TRPA1: variants seen among roughly 807,000 people sequenced by gnomAD.
TRPA1 encodes the protein transient receptor potential cation channel subfamily A member 1.
TRPA1 carries 129 observed loss-of-function variants against 131.3 expected under a neutral mutation model. The observed-to-expected ratio is 0.98, with a 90% CI of 0.85 to 1.14. TRPA1 has a LOEUF of 1.14. TRPA1 is among the 50% of genes most tolerant of loss of function. TRPA1 has a pLI of 0.00. For synonymous variants in TRPA1, 441 were observed against 451.7 expected, an observed-to-expected ratio of 0.98 and a Z score of 0.30; for missense variants, 1,304 against 1,354.2, an observed-to-expected ratio of 0.96 and a Z score of 0.58.
chr8:72,061,730 G>A lies in TRPA1; in HGVS notation c.839C>T (p.Ala280Val). The A allele has an allele frequency of 6.2e-7, 1 of 1,614,026 alleles. No homozygotes were observed. The highest frequency in any genetic ancestry group is 8.5e-7 in the Non-Finnish European group (1 of 1,179,928). ...KGRCTAIHFA[A>V]TQGATEIVKL... is the part of the protein sequence containing the mutation. The stretch of plus-strand genomic sequence containing the variant: ...AACAATCTCAGTGGCTCCCTGGGTG[G>A]CAGCAAAATGAATGGCTGTGCACCT... Residue 280 changes from alanine to valine, a missense_variant, in exon 7 of 27, where the codon GCC becomes GTC. Transcript: ENST00000262209.
At chr8:72,076,651 G>A (rs1806192797), upstream of TRPA1, 2 of 152,252 alleles carry the variant, frequency 1.3e-5, no homozygotes, top group African/African-American at 4.8e-5. Context: ...CTGACCTAGG[G>A]GCTGTGGTGG....
At chr8:72,050,670 G>GA in intron 15 of TRPA1, 108 bp downstream of exon 15, 1 of 798,754 alleles carries the variant, frequency 1.3e-6, no homozygotes. Context: ...ACAGCCTATG[G>GA]AAAATGAGAA....
chr8:72,031,786 G>A (rs1413171630), intron 23 of TRPA1, among the ~76,000 whole-genome samples: 1 of 152,038 alleles, frequency 6.6e-6, no homozygotes, highest in African/African-American at 2.4e-5. Flanking sequence ...CTTATCATGT[G>A]CCAAGTACTA....
upstream of TRPA1, among the ~76,000 whole-genome samples, chr8:72,079,297 G>T (rs935482743): frequency 7.9e-5 from 12 of 151,702 alleles, no homozygotes; most frequent in African/African-American, 2.9e-4. Context: ...AGAAACTTTT[G>T]CCAATTCAAA....
At chr8:72,058,399 CATATT>C (rs1805726210) in intron 8 of TRPA1, among the ~76,000 whole-genome samples, 1 of 152,082 alleles carries the variant, frequency 6.6e-6, no homozygotes, top group African/African-American at 2.4e-5. Context: ...TTAACCATTA[CATATT>C]ATAATATTTG....
intron 25 of TRPA1, among the ~76,000 whole-genome samples, chr8:72,024,302 CAA>C (rs1218690112): frequency 6.6e-6 from 1 of 152,160 alleles, no homozygotes; most frequent in Non-Finnish European, 1.5e-5. Flanking sequence ...AACCAATCAA[CAA>C]AGTTTCACCT....
chr8:72,077,852 T>C (rs1282531952), upstream of TRPA1, among the ~76,000 whole-genome samples: 4 of 152,156 alleles, frequency 2.6e-5, no homozygotes, highest in African/African-American at 9.7e-5. Context: ...TATTGATGAA[T>C]AGCAGTAATG....
At chr8:72,072,610 A>G (rs898419268) in intron 1 of TRPA1, among the ~76,000 whole-genome samples, 91 of 152,336 alleles carry the variant, frequency 6.0e-4, no homozygotes, top group African/African-American at 2.1e-3. Flanking sequence ...ATATTCAGTA[A>G]TAAATTTAAA....
intron 8 of TRPA1, 111 bp downstream of exon 8, chr8:72,059,279 A>T: frequency 1.3e-6 from 1 of 743,008 alleles, no homozygotes; most frequent in East Asian, 2.8e-5. Flanking sequence ...CTTTTTGCTG[A>T]TAAGCAAGAA....
At chr8:72,070,914 C>G (rs1318473904) in intron 2 of TRPA1, among the ~76,000 whole-genome samples, 2 of 152,180 alleles carry the variant, frequency 1.3e-5, no homozygotes, top group Non-Finnish European at 2.9e-5. Flanking sequence ...TACCTTCGCA[C>G]TCACTTCCTT....
In TRPA1 at chr8:72,075,360, G is replaced by C; in HGVS notation, c.50C>G (p.Pro17Arg). The change falls in exon 1 of 27, where the codon CCC becomes CGC. Residue 17 changes from proline to arginine, a missense_variant. Physicochemically the swap from Pro to Arg is moderately radical, Grantham distance 103. Transcript: ENST00000262209. ...CACATCCTCATAGACAACGCCCTGGGGCTCCTTCTTTTCTCCAGGGCGCCA... is the reference window on the plus strand; with the variant it reads ...CACATCCTCATAGACAACGCCCTGGCGCTCCTTCTTTTCTCCAGGGCGCCA... ...KMWRPGEKKEPQGVVYEDVPD... is the reference protein window; with the variant it reads ...KMWRPGEKKERQGVVYEDVPD... 6.2e-7 allele frequency: 1 copy of C among 1,612,416 alleles called. No individual in the cohort carries two copies. Among genetic ancestry groups the C allele is most frequent in the Non-Finnish European group, 8.5e-7 (1 of 1,179,826 alleles).
intron 3 of TRPA1, 54 bp from the exon 4 acceptor site, chr8:72,065,612 A>T: frequency 7.5e-7 from 1 of 1,329,734 alleles, no homozygotes. Flanking sequence ...CAAATAAGGT[A>T]CTTGCCTTCC....
chr8:72,079,153 T>A (rs940301193), upstream of TRPA1, among the ~76,000 whole-genome samples: 2 of 152,008 alleles, frequency 1.3e-5, no homozygotes, highest in East Asian at 1.9e-4. Flanking sequence ...TTTAAACAGA[T>A]AAATAATTTG....
chr8:72,068,753 A>G (rs186066773), intron 3 of TRPA1, among the ~76,000 whole-genome samples: 2 of 152,242 alleles, frequency 1.3e-5, no homozygotes, highest in Non-Finnish European at 2.9e-5. Flanking sequence ...GAATTACTTC[A>G]TAGTGGGTTT....
Position 72,046,559 on chromosome 8 carries a change from T to C in TRPA1, c.2015A>G (p.Lys672Arg). ...YLQCPLEFTK[K>R]TPTQDVIYEP... ...ATATATAACATCCTGTGTAGGTGTTTTTTTGGTGAATTCTAATGGACATTG... is the reference window on the plus strand; with the variant it reads ...ATATATAACATCCTGTGTAGGTGTTCTTTTGGTGAATTCTAATGGACATTG... Residue 672 changes from lysine (K) to arginine (R), a missense_variant, in exon 17 of 27, where the codon AAA (lysine) becomes AGA (arginine). Coordinates refer to ENST00000262209, the MANE Select transcript of TRPA1 (RefSeq NM_007332.3). The C allele has an allele frequency of 6.2e-7, 1 of 1,601,948 alleles. No individual in the cohort carries two copies. The highest frequency in any genetic ancestry group is 1.7e-4 in the Middle Eastern group (1 of 6,020).
At chr8:72,031,913 T>C (rs571821882) in intron 23 of TRPA1, among the ~76,000 whole-genome samples, 6 of 152,288 alleles carry the variant, frequency 3.9e-5, no homozygotes, top group Admixed American at 2.6e-4. Flanking sequence ...GAACATCCAA[T>C]AGAGTTAGTT....
intron 7 of TRPA1, 24 bp downstream of exon 7, chr8:72,061,601 C>G: frequency 6.2e-7 from 1 of 1,613,602 alleles, no homozygotes. Context: ...AATCTGTATA[C>G]AGAATGATAG....
intron 14 of TRPA1, among the ~76,000 whole-genome samples, chr8:72,051,129 CTA>C (rs1351103501): frequency 6.6e-6 from 1 of 152,160 alleles, no homozygotes; most frequent in African/African-American, 2.4e-5. Context: ...GTCTCTTTAT[CTA>C]AATGCCATTC....
In TRPA1 at chr8:72,055,528, G is replaced by T. The variant is rs907221832; in HGVS notation, c.1437C>A (p.Asp479Glu). Residue 479 changes from aspartate (D) to glutamate (E), a missense_variant, in exon 12 of 27, where the codon GAC (aspartate) becomes GAA (glutamate). Coordinates refer to ENST00000262209, the MANE Select transcript of TRPA1 (RefSeq NM_007332.3). ...GATGGAGAGGAGTCATTCCATGAAG[G>T]TCACCTTCATTCAGAAGCCTCGTAT... Reference protein sequence around the residue: ...ISDTRLLNEGDLHGMTPLHLA... With the variant: ...ISDTRLLNEGELHGMTPLHLA... The T allele has an allele frequency of 2.1e-5, 34 of 1,613,440 alleles. No individual in the cohort carries two copies. Among genetic ancestry groups the T allele is most frequent in the African/African-American group, 2.7e-5 (2 of 74,870 alleles).
Sources: gnomAD v4.1 joint callset for allele counts (sites outside exome capture counted in the v4.1 genomes callset) on GRCh38, gnomAD v4.1.1 for gene constraint, MANE v1.5 for transcripts, NCBI Gene and HGNC (gene_info 2026-07-23, HGNC 2026-07-21) for gene names.